Variants in ADCY9 observed in about 807,000 individuals in gnomAD.
ADCY9 encodes adenylate cyclase type 9.
A neutral mutation model predicts 101.5 loss-of-function variants in ADCY9; 50 were observed. The observed-to-expected ratio is 0.49, with a 90% CI of 0.39 to 0.62. ADCY9 has a LOEUF of 0.62. Among genes scored for constraint, ADCY9 ranks in the 20% least tolerant of loss-of-function variants. The pLI is 0.00. For missense variants in ADCY9, 1,662 were observed against 1,800.4 expected, an observed-to-expected ratio of 0.92 and a Z score of 1.39; for synonymous variants, 905 against 769.3, an observed-to-expected ratio of 1.18 and a Z score of -2.92.
At chr16:4,020,792 C>T (rs894329081) in intron 2 of ADCY9, among the ~76,000 whole-genome samples, 1 of 149,406 alleles carries the variant, frequency 6.7e-6, no homozygotes, top group Non-Finnish European at 1.5e-5. Context: ...CGCCACTGCA[C>T]TCCAGCCTGG....
intron 2 of ADCY9, among the ~76,000 whole-genome samples, chr16:4,026,257 T>C (rs1374852197): frequency 6.6e-6 from 1 of 151,870 alleles, no homozygotes; most frequent in Non-Finnish European, 1.5e-5. Flanking sequence ...AAACCCTGTC[T>C]CTACTAAAAA....
rs555844213 is a variant in ADCY9 at position 4,114,083 on chromosome 16, G to A, written c.1360C>T (p.Pro454Ser). 4.3e-6 allele frequency: 7 copies of A among 1,613,822 alleles called. No homozygotes were observed. The highest frequency in any genetic ancestry group is 1.7e-5 in the Admixed American group (1 of 60,020). ...CAGCAGTAGGCATGGTCGGCCCGGGGCTCGGGACAGCCCGCCACGCAGTAG... is the reference window on the plus strand; with the variant it reads ...CAGCAGTAGGCATGGTCGGCCCGGGACTCGGGACAGCCCGCCACGCAGTAG... ...CYYCVAGCPEPRADHAYCCIE... is the reference protein window; with the variant it reads ...CYYCVAGCPESRADHAYCCIE... Residue 454 changes from proline to serine, a missense_variant, in exon 2 of 11, where the codon CCC (proline) becomes TCC (serine). By Grantham distance (74) the Pro-to-Ser change is moderately conservative. Around this residue, in one of 5 missense-constraint regions of ADCY9, gnomAD observed 228 missense variants for 301.1 expected, o/e 0.76. Transcript: ENST00000294016. This position sits in a 1 kb window ranked among gnomAD's most constrained non-coding sequence, Gnocchi z 4.3.
chr16:4,115,129 A>C lies in ADCY9; in HGVS notation c.314T>G (p.Leu105Arg). 6.2e-7 allele frequency: 1 copy of C among 1,613,896 alleles called. No homozygotes were observed. The highest frequency in any genetic ancestry group is 8.5e-7 in the Non-Finnish European group (1 of 1,180,042). ...FDSVNLEEACLERCFPQTQRR... is the reference protein window; with the variant it reads ...FDSVNLEEACRERCFPQTQRR... ...CTGGGTCTGCGGGAAGCAGCGCTCC[A>C]GGCAGGCCTCCTCCAGGTTCACCGA... Residue 105 changes from leucine to arginine, a missense_variant, in exon 2 of 11, where the codon CTG becomes CGG. Physicochemically the swap from Leu to Arg is moderately radical, Grantham distance 102. Transcript: ENST00000294016. The surrounding 1 kb of genome is among the most constrained non-coding windows in gnomAD (Gnocchi z 6.2).
In ADCY9 at chr16:4,067,755, G is replaced by A. The variant is rs1349986539; in HGVS notation, c.1693+45995C>T. 4.6e-5 allele frequency among the ~76,000 whole-genome samples: 7 copies of A among 152,110 alleles called. No individual in the cohort carries two copies. The South Asian group carries it at 6.2e-4, about 14-fold the overall frequency. ...ACCAAAAGGATGGATCTCCCTCACC[G>A]GGAGGTGGACTGCAACCTCCCAAAC... On this transcript the variant is annotated intron_variant, in intron 2 of 10. Coordinates refer to ENST00000294016, the MANE Select transcript of ADCY9 (RefSeq NM_001116.4).
chr16:4,070,937 T>C (rs1275314321), intron 2 of ADCY9, among the ~76,000 whole-genome samples: 2 of 150,586 alleles, frequency 1.3e-5, no homozygotes, highest in South Asian at 2.1e-4. Context: ...ACAGAGAGAG[T>C]CTCCGTCTCA....
At chr16:3,977,044 G>A (rs1017148479) in intron 9 of ADCY9, among the ~76,000 whole-genome samples, 2 of 152,098 alleles carry the variant, frequency 1.3e-5, no homozygotes, top group South Asian at 2.1e-4. Context: ...GACCTGTCCC[G>A]GTTCATGAAC....
At chr16:3,995,122 G>A (rs1222681598) in intron 3 of ADCY9, among the ~76,000 whole-genome samples, 1 of 152,172 alleles carries the variant, frequency 6.6e-6, no homozygotes, top group Admixed American at 6.6e-5. Context: ...AACAAAGAGT[G>A]AAGATATGTT....
chr16:4,090,804 C>A (rs1597219582), intron 2 of ADCY9, among the ~76,000 whole-genome samples: 1 of 151,824 alleles, frequency 6.6e-6, no homozygotes, highest in East Asian at 1.9e-4. Flanking sequence ...TGTTGCCAAG[C>A]CTCATGCCAA....
chr16:4,016,890 G>C (rs12920508), intron 2 of ADCY9, among the ~76,000 whole-genome samples: 76,618 of 152,128 alleles, frequency 0.5, 20,354 homozygotes, highest in Non-Finnish European at 0.59. Flanking sequence ...TGTAAAATTA[G>C]GTTGTGGTGA....
chr16:3,974,630 C>T (rs3730136), intron 10 of ADCY9, 39 bp downstream of exon 10: 1 of 1,576,836 alleles, frequency 6.3e-7, no homozygotes, highest in East Asian at 2.2e-5. Context: ...TACAGTCACT[C>T]TCGTTTATTC....
chr16:4,022,633 A>T (rs973666854), intron 2 of ADCY9, among the ~76,000 whole-genome samples: 2 of 151,410 alleles, frequency 1.3e-5, no homozygotes, highest in African/African-American at 4.8e-5. Context: ...AATTTTTTTT[A>T]AAAGGAGAAA....
At chr16:4,061,543 C>CT (rs2056773575) in intron 2 of ADCY9, among the ~76,000 whole-genome samples, 1 of 152,010 alleles carries the variant, frequency 6.6e-6, no homozygotes. Context: ...TAACAGAGAC[C>CT]AGAAAACAGT....
At position 4,055,559 on chromosome 16, in the gene ADCY9, C is replaced by T. The variant is rs568760999; in HGVS notation, c.1694-48001G>A. Among the ~76,000 whole-genome samples the T allele has an allele frequency of 1.3e-3, 198 of 151,258 alleles. 1 individual carries two copies. Among genetic ancestry groups the T allele is most frequent in the African/African-American group, 4.4e-3 (181 of 41,210 alleles). ...AAAAAGGAAAAAAAAAAAGGCCAGA[C>T]GCGGTGGCTCACACCTACAATCCCA... is the stretch of plus-strand genomic sequence containing the variant. On this transcript the variant is annotated intron_variant, in intron 2 of 10. Transcript: ENST00000294016.
intron 3 of ADCY9, among the ~76,000 whole-genome samples, chr16:4,004,512 C>A (rs1217933962): frequency 6.6e-6 from 1 of 152,228 alleles, no homozygotes; most frequent in African/African-American, 2.4e-5. Context: ...CACAGTTCTG[C>A]TCGGGCTTCT....
chr16:4,029,610 G>C lies in ADCY9; in HGVS notation c.1694-22052C>G, dbSNP rs965645443. Among the ~76,000 whole-genome samples, 3 of 149,528 alleles carry C rather than the reference G, an allele frequency of 2.0e-5. No homozygotes were observed. The South Asian group carries it at 6.3e-4, about 31-fold the overall frequency. ...AAAAATACAAAAATTAGCTGGGTGA[G>C]GTGGCACGTGCCTGTAATCCCAGCT... On this transcript the variant is annotated intron_variant, in intron 2 of 10. Transcript: ENST00000294016.
At chr16:4,094,916 T>C (rs559792171) in intron 2 of ADCY9, among the ~76,000 whole-genome samples, 1 of 152,174 alleles carries the variant, frequency 6.6e-6, no homozygotes, top group South Asian at 2.1e-4. Context: ...AGGGAAATTA[T>C]GCTTCTGAAT....
intron 2 of ADCY9, among the ~76,000 whole-genome samples, chr16:4,107,676 G>A (rs2141206406): frequency 6.6e-6 from 1 of 152,180 alleles, no homozygotes; most frequent in East Asian, 1.9e-4. Flanking sequence ...CTTAGGTGGG[G>A]ACAAGCTAAC....
intron 8 of ADCY9, among the ~76,000 whole-genome samples, chr16:3,978,183 G>A (rs2056109528): frequency 6.6e-6 from 1 of 152,182 alleles, no homozygotes; most frequent in South Asian, 2.1e-4. Flanking sequence ...ACACTCTTCT[G>A]CAGGTGTGGG....
chr16:4,020,547 CGTG>C (rs2056468126), intron 2 of ADCY9, among the ~76,000 whole-genome samples: 1 of 152,088 alleles, frequency 6.6e-6, no homozygotes, highest in Non-Finnish European at 1.5e-5. Flanking sequence ...ATAAGCCAGG[CGTG>C]GTGGCTCACG....
Sources: allele counts gnomAD v4.1 joint callset (sites outside exome capture counted in the v4.1 genomes callset), GRCh38; gene constraint gnomAD v4.1.1; regional missense constraint gnomAD v4.1.1; non-coding constraint Gnocchi (gnomAD v3.1); transcripts MANE v1.5; gene names NCBI Gene and HGNC (gene_info 2026-07-23, HGNC 2026-07-21).